The following NCOA2 variants were observed in gnomAD, a reference collection of about 807,000 sequenced individuals.
The protein encoded by NCOA2 is class E basic helix-loop-helix protein 75.
A neutral mutation model predicts 145.1 loss-of-function variants in NCOA2; 21 were observed. The observed-to-expected ratio is 0.14, with a 90% CI of 0.10 to 0.21. NCOA2 has a LOEUF of 0.21. Ranked by LOEUF, NCOA2 falls within the 10% of genes least tolerant of loss-of-function variation. The probability of loss-of-function intolerance (pLI) is 1.00; values close to 1 mark genes in which losing one functional copy is unlikely to be tolerated. For synonymous variants in NCOA2, 619 were observed against 637.5 expected (o/e 0.97, Z 0.44); for missense variants, 1,472 against 1,837.6 (o/e 0.80, Z 3.64).
intron 2 of NCOA2, among the ~76,000 whole-genome samples, chr8:70,255,845 AAAG>A (rs2134884712): frequency 6.6e-6 from 1 of 152,286 alleles, no homozygotes; most frequent in East Asian, 1.9e-4. Context: ...AATCACACAC[AAAG>A]AAGATCCAGT....
intron 1 of NCOA2, among the ~76,000 whole-genome samples, chr8:70,380,589 T>C (rs897870776): frequency 3.9e-5 from 6 of 152,154 alleles, no homozygotes; most frequent in African/African-American, 1.2e-4. Flanking sequence ...GTGTGTTTAT[T>C]AATGTTTCTC....
rs1284459369 is a variant in NCOA2, at chr8:70,341,174, T to G, written c.-76-44374A>C. 2.0e-5 allele frequency among the ~76,000 whole-genome samples: 3 copies of G among 151,688 alleles called. No homozygotes were observed. The East Asian group carries it at 5.8e-4, about 29-fold the overall frequency. On this transcript the variant is annotated intron_variant, in intron 1 of 22. Coordinates refer to ENST00000452400, the MANE Select transcript of NCOA2 (RefSeq NM_006540.4). ...GGGAGGCCAAGGTGGGAGGATTGCT[T>G]GAGGTCAGGAGTTCAAGACCTGATA...
the NCOA2 span, among the ~76,000 whole-genome samples, chr8:70,445,562 T>C: frequency 6.6e-6 from 1 of 152,214 alleles, no homozygotes; most frequent in Non-Finnish European, 1.5e-5. Context: ...CTGGGCCTTT[T>C]ATCCTTTAAA....
chr8:70,428,602 G>A, the NCOA2 span, among the ~76,000 whole-genome samples: 3 of 152,086 alleles, frequency 2.0e-5, no homozygotes, highest in Non-Finnish European at 4.4e-5. Flanking sequence ...TTACCTGGGT[G>A]GCAGAGTGAG....
At chr8:70,293,727 AT>A (rs1826880512) in intron 2 of NCOA2, among the ~76,000 whole-genome samples, 1 of 152,254 alleles carries the variant, frequency 6.6e-6, no homozygotes, top group African/African-American at 2.4e-5. Flanking sequence ...ATAGATTTAT[AT>A]AACTCTTGCT....
intron 2 of NCOA2, among the ~76,000 whole-genome samples, chr8:70,221,899 A>G (rs376798961): frequency 1.3e-5 from 2 of 152,188 alleles, no homozygotes; most frequent in South Asian, 2.1e-4. Context: ...GATAGAGGAC[A>G]TGACACAATA....
chr8:70,213,220 A>G (rs888796412), intron 4 of NCOA2, among the ~76,000 whole-genome samples: 4 of 152,164 alleles, frequency 2.6e-5, no homozygotes, highest in Non-Finnish European at 4.4e-5. Flanking sequence ...TTGTTCATAC[A>G]TGCCGAATAA....
intron 9 of NCOA2, among the ~76,000 whole-genome samples, chr8:70,161,286 C>A (rs2132381034): frequency 6.6e-6 from 1 of 152,226 alleles, no homozygotes; most frequent in East Asian, 1.9e-4. Flanking sequence ...AAACTCAGGA[C>A]CCAAGGATGC....
chr8:70,398,185 C>G (rs7823389), intron 1 of NCOA2, among the ~76,000 whole-genome samples: 1 of 152,266 alleles, frequency 6.6e-6, no homozygotes, highest in South Asian at 2.1e-4. Context: ...TGGCCAGGTA[C>G]GGTGGCTAAT....
chr8:70,328,323 T>C (rs1440063213), intron 1 of NCOA2, among the ~76,000 whole-genome samples: 1 of 152,220 alleles, frequency 6.6e-6, no homozygotes, highest in African/African-American at 2.4e-5. Context: ...TTTTCAGCTG[T>C]AAAGGTCTTT....
intron 1 of NCOA2, among the ~76,000 whole-genome samples, chr8:70,301,694 G>A (rs1260560288): frequency 7.8e-6 from 1 of 127,590 alleles, no homozygotes; most frequent in Non-Finnish European, 1.7e-5. Context: ...AGATATGTTT[G>A]TCAACTCAAA....
the NCOA2 span, among the ~76,000 whole-genome samples, chr8:70,452,070 G>C: frequency 6.6e-6 from 1 of 152,092 alleles, no homozygotes; most frequent in Non-Finnish European, 1.5e-5. Flanking sequence ...TGTCTCCCAG[G>C]CTCAGGTGAT....
the NCOA2 span, among the ~76,000 whole-genome samples, chr8:70,427,112 G>A: frequency 6.6e-6 from 1 of 151,986 alleles, no homozygotes; most frequent in Admixed American, 6.6e-5. Context: ...GTTTTTTTAA[G>A]CCAAGAAAGC....
Position 70,305,376 on chromosome 8 carries a change from G to A in NCOA2, c.-76-8576C>T, listed in dbSNP as rs568249621. ...TCAAATCTATCAACACAACATGACC[G>A]CATTAAGATATAATCATTATTTCAA... On this transcript the variant is annotated intron_variant, in intron 1 of 22. Transcript: ENST00000452400. Among the ~76,000 whole-genome samples the A allele has an allele frequency of 1.5e-4, 23 of 152,118 alleles. No homozygotes were observed. In the South Asian group the frequency reaches 3.7e-3, roughly 25 times the overall value.
chr8:70,423,973 G>T, the NCOA2 span, among the ~76,000 whole-genome samples: 2 of 152,170 alleles, frequency 1.3e-5, no homozygotes, highest in Non-Finnish European at 2.9e-5. Flanking sequence ...CTTATTTTTT[G>T]ATGAGGATCC....
upstream of NCOA2, among the ~76,000 whole-genome samples, chr8:70,404,356 G>T (rs967735705): frequency 6.6e-6 from 1 of 152,208 alleles, no homozygotes; most frequent in Non-Finnish European, 1.5e-5. Flanking sequence ...CAGGGACGGT[G>T]CCCCAGGACG....
chr8:70,277,459 G>A (rs1402970253), intron 2 of NCOA2, among the ~76,000 whole-genome samples: 4 of 151,836 alleles, frequency 2.6e-5, no homozygotes, highest in Admixed American at 2.0e-4. Context: ...TATATCTTTC[G>A]GTTAAATGAA....
chr8:70,299,037 G>A (rs1827294943), intron 1 of NCOA2, among the ~76,000 whole-genome samples: 1 of 152,028 alleles, frequency 6.6e-6, no homozygotes, highest in South Asian at 2.1e-4. Flanking sequence ...TCCAGCCTGG[G>A]CGACAGAGGG....
At chr8:70,446,618 T>TC in the NCOA2 span, among the ~76,000 whole-genome samples, 1 of 152,182 alleles carries the variant, frequency 6.6e-6, no homozygotes, top group Non-Finnish European at 1.5e-5. Flanking sequence ...CCTATTTTTT[T>TC]CCCTCCCTGC....
Sources: gnomAD v4.1 joint callset for allele counts (sites outside exome capture counted in the v4.1 genomes callset) on GRCh38, gnomAD v4.1.1 for gene constraint, MANE v1.5 for transcripts, NCBI Gene and HGNC (gene_info 2026-07-23, HGNC 2026-07-21) for gene names.